UQCRC2: variants seen among roughly 807,000 people sequenced by gnomAD.
UQCRC2 encodes cytochrome b-c1 complex subunit 2, mitochondrial.
A neutral mutation model predicts 55.6 loss-of-function variants in UQCRC2; 49 were observed. The observed-to-expected ratio is 0.88, with a 90% CI of 0.70 to 1.12. UQCRC2 has a LOEUF of 1.12. Among genes scored for constraint, UQCRC2 ranks in the 50% most tolerant of loss-of-function variants. The pLI, the probability that UQCRC2 is intolerant of heterozygous loss-of-function variation, is 0.00. For synonymous variants in UQCRC2, 193 were observed against 192.0 expected, an observed-to-expected ratio of 1.01 and a Z score of -0.04; for missense variants, 506 against 547.8, an observed-to-expected ratio of 0.92 and a Z score of 0.76.
rs533227558 is a variant in UQCRC2 at position 21,962,860 on chromosome 16, T to C, written c.489T>C (p.Ala163=). 1 of 1,614,088 alleles carries C rather than the reference T, an allele frequency of 6.2e-7. No individual in the cohort carries two copies. Among genetic ancestry groups the C allele is most frequent in the East Asian group, 2.2e-5 (1 of 44,888 alleles). Residue 163 remains alanine, a synonymous_variant, in exon 6 of 14, where the codon GCT becomes GCC. Transcript: ENST00000268379. ...AGCCTCAGCTAAAGATTGACAAAGC[T>C]GTGGCCTTTCAGAATCCGCAGACTC... ...DLQPQLKIDK[A]VAFQNPQTHV... is the part of the protein sequence containing the mutation.
Position 21,953,445 on chromosome 16 carries a change from G to A in UQCRC2, c.22G>A (p.Gly8Ser), listed in dbSNP as rs1368884809. Reference sequence around the variant, plus strand: ...AATCATGAAGCTACTAACCAGAGCCGGCTCTTTCTCGGTGAGCTCAGGTGG... The same window carrying A: ...AATCATGAAGCTACTAACCAGAGCCAGCTCTTTCTCGGTGAGCTCAGGTGG... MKLLTRA[G>S]SFSRFYSLKV... Residue 8 changes from glycine to serine, a missense_variant, in exon 1 of 14, where the codon GGC becomes AGC. Transcript: ENST00000268379. The A allele has an allele frequency of 3.7e-6, 6 of 1,613,356 alleles. No individual in the cohort carries two copies. Among genetic ancestry groups the A allele is most frequent in the Non-Finnish European group, 5.1e-6 (6 of 1,179,696 alleles).
chr16:21,969,510 C>T (rs781463072), intron 8 of UQCRC2, among the ~76,000 whole-genome samples: 9 of 152,098 alleles, frequency 5.9e-5, no homozygotes, highest in African/African-American at 1.2e-4. Flanking sequence ...CCAGCAAGGG[C>T]GACAGAGTGA....
Position 21,983,519 on chromosome 16 carries a change from C to T in UQCRC2, c.*348C>T, listed in dbSNP as rs1419338836. ...TATCGGGGTAAATAGTGCCAGATTA[C>T]TATTGGTGGCGTTTAAGATGAAAGC... On this transcript the variant is annotated 3_prime_UTR_variant, in exon 14 of 14. Coordinates refer to ENST00000268379, the MANE Select transcript of UQCRC2 (RefSeq NM_003366.4). 6.4e-6 allele frequency: 2 copies of T among 311,206 alleles called. No individual in the cohort carries two copies. Among genetic ancestry groups the T allele is most frequent in the Admixed American group, 4.9e-5 (1 of 20,336 alleles). 19.3% of individuals were successfully genotyped at this position (311,206 alleles called of 1,614,324 possible).
chr16:21,979,613 T>TA (rs746247792), intron 12 of UQCRC2, among the ~76,000 whole-genome samples: 15 of 152,146 alleles, frequency 9.9e-5, no homozygotes, highest in African/African-American at 1.7e-4. Flanking sequence ...GCACAAAAGA[T>TA]AAAAAAATGG....
chr16:21,962,941 C>T, intron 6 of UQCRC2, 56 bp downstream of exon 6: 1 of 1,538,808 alleles, frequency 6.5e-7, no homozygotes, highest in Non-Finnish European at 8.7e-7. Flanking sequence ...TTTAGAAGAT[C>T]AATTTATAGA....
chr16:21,961,457 T>C, intron 4 of UQCRC2: 2 of 241,524 alleles, frequency 8.3e-6, no homozygotes, highest in Non-Finnish European at 1.8e-5. Flanking sequence ...GTTTCAAGAT[T>C]TCTTTAAGGT....
At chr16:21,955,372 G>A (rs544565863) in intron 1 of UQCRC2, among the ~76,000 whole-genome samples, 1 of 152,306 alleles carries the variant, frequency 6.6e-6, no homozygotes, top group Admixed American at 6.5e-5. Flanking sequence ...ACAACAAACA[G>A]CCTTCTGGAC....
At chr16:21,979,135 G>A (rs1177973404) in intron 12 of UQCRC2, among the ~76,000 whole-genome samples, 1 of 152,164 alleles carries the variant, frequency 6.6e-6, no homozygotes, top group African/African-American at 2.4e-5. Context: ...ATAACACTGT[G>A]ACCCCAGCTG....
Position 21,973,908 on chromosome 16 carries a change from A to T in UQCRC2, c.979A>T (p.Asn327Tyr), listed in dbSNP as rs2141943363. 1 of 1,613,042 alleles carries T rather than the reference A, an allele frequency of 6.2e-7. No homozygotes were observed. The highest frequency in any genetic ancestry group is 8.5e-7 in the Non-Finnish European group (1 of 1,179,576). Reference protein sequence around the residue: ...TQQPFDVSAFNASYSDSGLFG... With the variant: ...TQQPFDVSAFYASYSDSGLFG... Reference sequence around the variant, plus strand: ...CATTATCTTTCAGGTTTCTGCATTTAATGCCAGTTACTCAGATTCTGGACT... The same window carrying T: ...CATTATCTTTCAGGTTTCTGCATTTTATGCCAGTTACTCAGATTCTGGACT... The change falls in exon 11 of 14, where the codon AAT (asparagine) becomes TAT (tyrosine). Residue 327 changes from asparagine (N) to tyrosine (Y), a missense_variant. Coordinates refer to ENST00000268379, the MANE Select transcript of UQCRC2 (RefSeq NM_003366.4).
chr16:21,980,445 C>G, intron 12 of UQCRC2, 102 bp from the exon 13 acceptor site: 1 of 1,227,324 alleles, frequency 8.1e-7, no homozygotes, highest in Non-Finnish European at 1.1e-6. Flanking sequence ...GTTACTCTAT[C>G]CATTAAATAA....
rs533504696 is a variant in UQCRC2 at position 21,954,872 on chromosome 16, C to T, written c.33+1416C>T. On this transcript the variant is annotated intron_variant, in intron 1 of 13. Coordinates refer to ENST00000268379, the MANE Select transcript of UQCRC2 (RefSeq NM_003366.4). ...CAGTCTGGCCATCATGGTGAAACCCCGTCTCTACTAAAAATACAAAAAAAA... is the reference window on the plus strand; with the variant it reads ...CAGTCTGGCCATCATGGTGAAACCCTGTCTCTACTAAAAATACAAAAAAAA... Among the ~76,000 whole-genome samples the T allele has an allele frequency of 2.7e-5, 4 of 149,604 alleles. No homozygotes were observed. The East Asian group carries it at 5.9e-4, about 22-fold the overall frequency.
At chr16:21,955,719 C>CA (rs948668456) in intron 1 of UQCRC2, among the ~76,000 whole-genome samples, 8 of 151,906 alleles carry the variant, frequency 5.3e-5, no homozygotes, top group Admixed American at 2.6e-4. Flanking sequence ...TTTATTTAGT[C>CA]AAAAAAACTA....
chr16:21,966,861 A>G (rs1286106236), intron 7 of UQCRC2, among the ~76,000 whole-genome samples: 2 of 152,224 alleles, frequency 1.3e-5, no homozygotes, highest in Admixed American at 6.5e-5. Context: ...AAAAATTAGA[A>G]ACAAGTTAAT....
At position 21,971,620 on chromosome 16, in the gene UQCRC2, G is replaced by A; in HGVS notation, c.766G>A (p.Gly256Ser). 1 of 1,613,372 alleles carries A rather than the reference G, an allele frequency of 6.2e-7. No individual in the cohort carries two copies. Among genetic ancestry groups the A allele is most frequent in the Non-Finnish European group, 8.5e-7 (1 of 1,179,742 alleles). ...LSGAKANYRG[G>S]EIREQNGDSL... ...TGGTGCAAAGGCCAACTACCGTGGA[G>A]GTAAGCATTTCATTCTATTAGGGTT... The change falls in exon 9 of 14, where the codon GGT (glycine) becomes AGT (serine). Residue 256 changes from glycine (G) to serine (S), a missense_variant and splice_region_variant. Coordinates refer to ENST00000268379, the MANE Select transcript of UQCRC2 (RefSeq NM_003366.4).
chr16:21,981,990 A>G (rs1277410693), intron 13 of UQCRC2, among the ~76,000 whole-genome samples: 1 of 151,126 alleles, frequency 6.6e-6, no homozygotes, highest in Non-Finnish European at 1.5e-5. Flanking sequence ...ACAGGTGCCC[A>G]CCACCACGGC....
rs1898778708 is a variant in UQCRC2, at chr16:21,983,196, G to C, written c.*25G>C. 2.5e-6 allele frequency: 4 copies of C among 1,599,276 alleles called. No individual in the cohort carries two copies. Among genetic ancestry groups the C allele is most frequent in the East Asian group, 2.2e-5 (1 of 44,670 alleles). On this transcript the variant is annotated 3_prime_UTR_variant, in exon 14 of 14. Transcript: ENST00000268379. ...ATACTGATGCACACATTACAGGAGA[G>C]AGCTGAACGTTCTCTCAGCCCAGAG... is the stretch of plus-strand genomic sequence containing the variant.
intron 12 of UQCRC2, among the ~76,000 whole-genome samples, chr16:21,979,207 A>T (rs975362390): frequency 6.6e-6 from 1 of 152,216 alleles, no homozygotes; most frequent in Non-Finnish European, 1.5e-5. Context: ...GGTTTGACAG[A>T]AGGCTCTTCA....
intron 12 of UQCRC2, chr16:21,977,054 T>C (rs1356776976): frequency 1.3e-5 from 2 of 152,164 alleles, no homozygotes; most frequent in Non-Finnish European, 2.9e-5. Context: ...TATGTGTGTA[T>C]GTTTAAATAA....
chr16:21,982,131 C>T (rs536609898), intron 13 of UQCRC2, among the ~76,000 whole-genome samples: 3 of 152,140 alleles, frequency 2.0e-5, no homozygotes, highest in East Asian at 3.9e-4. Flanking sequence ...TGAATCAACG[C>T]GCCCAGCCCA....
Sources: gnomAD v4.1 joint callset for allele counts (sites outside exome capture counted in the v4.1 genomes callset) on GRCh38, gnomAD v4.1.1 for gene constraint, MANE v1.5 for transcripts, NCBI Gene and HGNC (gene_info 2026-07-23, HGNC 2026-07-21) for gene names.